FBXO10: variants seen among roughly 807,000 people sequenced by gnomAD.
The protein encoded by FBXO10 is F-box protein 10, also known as F-box only protein 10.
In FBXO10, 39 loss-of-function variants were observed where a neutral mutation model predicts 80.7. The observed-to-expected ratio is 0.48, with a 90% CI of 0.37 to 0.63. The LOEUF (loss-of-function observed/expected upper bound fraction) is 0.63. Ranked by LOEUF, FBXO10 falls within the 30% of genes least tolerant of loss-of-function variation. The probability of loss-of-function intolerance (pLI) is 0.00; values close to 1 mark genes in which losing one functional copy is unlikely to be tolerated. For missense variants in FBXO10, 1,025 were observed against 1,269.0 expected, an observed-to-expected ratio of 0.81 and a Z score of 2.92; for synonymous variants, 449 against 489.6, an observed-to-expected ratio of 0.92 and a Z score of 1.09.
At chr9:37,519,739 G>A (rs1320309712) in intron 8 of FBXO10, among the ~76,000 whole-genome samples, 1 of 152,218 alleles carries the variant, frequency 6.6e-6, no homozygotes, top group Admixed American at 6.5e-5. Flanking sequence ...GAATAAGTGG[G>A]TTGGGGCTGC....
Position 37,515,927 on chromosome 9 carries a change from G to A in FBXO10, c.2673C>T (p.Asn891=). ...SNNRECIMQN[N]KFLVFKKKSD... is the part of the protein sequence containing the mutation. ...ACTTTTTCTTGAAGACCAGGAACTTGTTGTTTTGCATGATGCATTCTCGGT... is the reference window on the plus strand; with the variant it reads ...ACTTTTTCTTGAAGACCAGGAACTTATTGTTTTGCATGATGCATTCTCGGT... The change falls in exon 10 of 11, where the codon AAC becomes AAT. Residue 891 remains asparagine (N), a synonymous_variant. Coordinates refer to ENST00000432825, the MANE Select transcript of FBXO10 (RefSeq NM_012166.3). 3 of 1,613,818 alleles carry A rather than the reference G, an allele frequency of 1.9e-6. No individual in the cohort carries two copies. Among genetic ancestry groups the A allele is most frequent in the Non-Finnish European group, 2.5e-6 (3 of 1,179,820 alleles).
chr9:37,542,909 C>A (rs1199326502), intron 1 of FBXO10, among the ~76,000 whole-genome samples: 1 of 152,202 alleles, frequency 6.6e-6, no homozygotes, highest in Admixed American at 6.5e-5. Context: ...AGAGGGAACC[C>A]ACCTTTGGCT....
chr9:37,525,010 G>T, intron 6 of FBXO10, 92 bp downstream of exon 6: 2 of 1,076,678 alleles, frequency 1.9e-6, no homozygotes, highest in East Asian at 2.6e-5. Context: ...TAGTCTGTGG[G>T]GGTAAAGGAG....
chr9:37,539,376 A>G (rs1347608151), intron 2 of FBXO10, among the ~76,000 whole-genome samples: 1 of 152,214 alleles, frequency 6.6e-6, no homozygotes, highest in Non-Finnish European at 1.5e-5. Flanking sequence ...TTTTCAGGCA[A>G]AGCCATCCCA....
rs370226873 is a variant in FBXO10 at position 37,518,413 on chromosome 9, G to A, written c.2226C>T (p.Ser742=). ...NGASGLYVQS[S]EALHVITNVI... ...CATTGGTGATGACATGCAGTGCCTC[G>A]CTGCTCTGGACATAGAGTCCTGAGG... The change falls in exon 9 of 11, where the codon AGC becomes AGT. Residue 742 remains serine (S), a synonymous_variant. Coordinates refer to ENST00000432825, the MANE Select transcript of FBXO10 (RefSeq NM_012166.3). 74 of 1,607,290 alleles carry A rather than the reference G, an allele frequency of 4.6e-5. No homozygotes were observed. Among genetic ancestry groups the A allele is most frequent in the Non-Finnish European group, 5.9e-5 (69 of 1,176,098 alleles).
At position 37,537,457 on chromosome 9, in the gene FBXO10, G is replaced by T; in HGVS notation, c.1072C>A (p.Leu358Met). Residue 358 changes from leucine (L) to methionine (M), a missense_variant, in exon 3 of 11, where the codon CTG (leucine) becomes ATG (methionine). Transcript: ENST00000432825. Reference sequence around the variant, plus strand: ...TCTTCATCCTCACCGCTGGGACTCAGGCCTCCATCGCTGCTGTCCGGGGTC... The same window carrying T: ...TCTTCATCCTCACCGCTGGGACTCATGCCTCCATCGCTGCTGTCCGGGGTC... ...AQTPDSSDGG[L>M]SPSGEDEDED... The T allele has an allele frequency of 6.2e-7, 1 of 1,605,170 alleles. No individual in the cohort carries two copies. Among genetic ancestry groups the T allele is most frequent in the East Asian group, 2.2e-5 (1 of 44,558 alleles).
intron 10 of FBXO10, 118 bp downstream of exon 10, chr9:37,515,786 G>A (rs561849750): frequency 1.8e-5 from 20 of 1,087,228 alleles, no homozygotes; most frequent in African/African-American, 9.5e-5. Flanking sequence ...GACTGGAGTC[G>A]ACAGCTGGCA....
intron 3 of FBXO10, among the ~76,000 whole-genome samples, chr9:37,532,290 G>T (rs1821647712): frequency 6.9e-6 from 1 of 144,730 alleles, no homozygotes; most frequent in African/African-American, 2.6e-5. Context: ...GTCTCACATT[G>T]GTTCTTTTTT....
At chr9:37,546,227 C>T (rs976869223) in intron 1 of FBXO10, among the ~76,000 whole-genome samples, 1 of 151,994 alleles carries the variant, frequency 6.6e-6, no homozygotes, top group Non-Finnish European at 1.5e-5. Flanking sequence ...TTCTGAGGCA[C>T]TTTCTTACTA....
chr9:37,512,518 A>G lies in FBXO10; in HGVS notation c.*29T>C, dbSNP rs780667463. On this transcript the variant is annotated 3_prime_UTR_variant, in exon 11 of 11. Coordinates refer to ENST00000432825, the MANE Select transcript of FBXO10 (RefSeq NM_012166.3). ...CCTTAGCTCCTCTGAGCACCCATCCAGGCTTGGCCCTGAAGCAGGTCTGTG... is the reference window on the plus strand; with the variant it reads ...CCTTAGCTCCTCTGAGCACCCATCCGGGCTTGGCCCTGAAGCAGGTCTGTG... 2.5e-6 allele frequency: 4 copies of G among 1,599,944 alleles called. No individual in the cohort carries two copies. The East Asian group carries it at 9.0e-5, about 36-fold the overall frequency.
intron 1 of FBXO10, among the ~76,000 whole-genome samples, chr9:37,565,203 G>T (rs537195654): frequency 1.7e-4 from 26 of 152,146 alleles, no homozygotes; most frequent in African/African-American, 6.0e-4. Context: ...GTTTCCTGAG[G>T]CCTCCCCAGC....
intron 4 of FBXO10, 115 bp downstream of exon 4, chr9:37,531,794 G>A: frequency 8.9e-7 from 1 of 1,129,532 alleles, no homozygotes; most frequent in Non-Finnish European, 1.3e-6. Flanking sequence ...CAGAGCAGGA[G>A]CCACCTGCAA....
chr9:37,568,082 C>T (rs972378813), intron 1 of FBXO10, among the ~76,000 whole-genome samples: 12 of 151,696 alleles, frequency 7.9e-5, no homozygotes, highest in African/African-American at 2.7e-4. Context: ...GATCAAAGGG[C>T]CAGGGACACA....
At chr9:37,529,341 C>T (rs906366414) in intron 4 of FBXO10, 81 bp from the exon 5 acceptor site, 66 of 1,464,738 alleles carry the variant, frequency 4.5e-5, no homozygotes, top group Admixed American at 1.2e-4. Context: ...CCCACACCTC[C>T]GCGGCAGGAT....
At chr9:37,563,138 A>AT (rs1213190955) in intron 1 of FBXO10, among the ~76,000 whole-genome samples, 3 of 152,156 alleles carry the variant, frequency 2.0e-5, no homozygotes, top group Admixed American at 2.0e-4. Context: ...GCCATCTGGC[A>AT]TTTCCCCTGC....
chr9:37,555,885 T>C (rs1454766658), intron 1 of FBXO10, among the ~76,000 whole-genome samples: 5 of 152,210 alleles, frequency 3.3e-5, no homozygotes. Context: ...GATTATTTTC[T>C]TCTATCTGTC....
intron 1 of FBXO10, among the ~76,000 whole-genome samples, chr9:37,569,120 G>A (rs887848569): frequency 1.3e-5 from 2 of 151,808 alleles, no homozygotes; most frequent in East Asian, 1.9e-4. Flanking sequence ...TTTTCCCAGG[G>A]TTTAAAAAAC....
chr9:37,546,018 C>T (rs1822047656), intron 1 of FBXO10, among the ~76,000 whole-genome samples: 1 of 151,974 alleles, frequency 6.6e-6, no homozygotes, highest in Non-Finnish European at 1.5e-5. Context: ...TGGTGGTGCA[C>T]ACTTGTAATC....
chr9:37,544,854 C>T (rs1323804713), intron 1 of FBXO10, among the ~76,000 whole-genome samples: 2 of 151,398 alleles, frequency 1.3e-5, no homozygotes, highest in Non-Finnish European at 1.5e-5. Flanking sequence ...ATTAGCCGGG[C>T]GTGGTGGCGG....
Sources: gnomAD v4.1 joint callset for allele counts (sites outside exome capture counted in the v4.1 genomes callset) on GRCh38, gnomAD v4.1.1 for gene constraint, MANE v1.5 for transcripts, NCBI Gene and HGNC (gene_info 2026-07-23, HGNC 2026-07-21) for gene names.